Variants in SPAG16 observed in about 807,000 individuals in gnomAD.
SPAG16 encodes the protein sperm-associated antigen 16 protein.
In SPAG16, 86 loss-of-function variants were observed where a neutral mutation model predicts 80.4. The observed-to-expected ratio is 1.07, with a 90% CI of 0.90 to 1.28. The LOEUF is 1.28. Among genes scored for constraint, SPAG16 ranks in the 50% most tolerant of loss-of-function variants. The pLI, the probability that SPAG16 is intolerant of heterozygous loss-of-function variation, is 0.00. For missense variants in SPAG16, 870 were observed against 765.3 expected, an observed-to-expected ratio of 1.14 and a Z score of -1.61; for synonymous variants, 294 against 265.9, an observed-to-expected ratio of 1.11 and a Z score of -1.03.
chr2:214,035,412 G>A (rs1415060301), intron 13 of SPAG16, among the ~76,000 whole-genome samples: 1 of 152,208 alleles, frequency 6.6e-6, no homozygotes, highest in Admixed American at 6.5e-5. Flanking sequence ...TTCATGCCAA[G>A]GGAAACCTGT....
chr2:213,293,813 A>G (rs1258992101), intron 1 of SPAG16, among the ~76,000 whole-genome samples: 1 of 152,250 alleles, frequency 6.6e-6, no homozygotes, highest in African/African-American at 2.4e-5. Context: ...ACAACATTAC[A>G]TATATTCTAG....
At chr2:214,188,712 A>G (rs902119772) in intron 15 of SPAG16, among the ~76,000 whole-genome samples, 1 of 152,094 alleles carries the variant, frequency 6.6e-6, no homozygotes, top group South Asian at 2.1e-4. Flanking sequence ...CTGAATACTA[A>G]TTTTAGGAAT....
intron 6 of SPAG16, among the ~76,000 whole-genome samples, chr2:213,341,417 A>G (rs1366074700): frequency 1.3e-5 from 2 of 152,198 alleles, no homozygotes; most frequent in Non-Finnish European, 2.9e-5. Context: ...TTACCCAAAT[A>G]CATTAATAGT....
intron 10 of SPAG16, among the ~76,000 whole-genome samples, chr2:213,676,050 C>A (rs1458046462): frequency 6.6e-6 from 1 of 152,126 alleles, no homozygotes; most frequent in African/African-American, 2.4e-5. Flanking sequence ...TTTGTATCCT[C>A]TTTTATTTCA....
intron 10 of SPAG16, among the ~76,000 whole-genome samples, chr2:213,505,890 C>T (rs376730397): frequency 6.6e-6 from 1 of 151,678 alleles, no homozygotes; most frequent in African/African-American, 2.4e-5. Flanking sequence ...GCCATTCCAT[C>T]CTTGTTTATA....
At chr2:213,291,704 C>G (rs903264917) in intron 1 of SPAG16, among the ~76,000 whole-genome samples, 2 of 152,128 alleles carry the variant, frequency 1.3e-5, no homozygotes, top group Admixed American at 6.5e-5. Context: ...TTGTGTATTC[C>G]TATTGTGTCA....
At position 214,333,860 on chromosome 2, in the gene SPAG16, T is replaced by G. The variant is rs142772704; in HGVS notation, c.1721-76280T>G. Among the ~76,000 whole-genome samples, 1,006 of 152,332 alleles carry G rather than the reference T, an allele frequency of 6.6e-3. 10 individuals carry two copies. The highest frequency in any genetic ancestry group is 0.023 in the African/African-American group (965 of 41,562). ...ACTGAGTCAAAGCACTTATAAATTC[T>G]AAATCTCCAGATTTCACCATGTACT... is the stretch of plus-strand genomic sequence containing the variant. On this transcript the variant is annotated intron_variant, in intron 15 of 15. Coordinates refer to ENST00000331683, the MANE Select transcript of SPAG16 (RefSeq NM_024532.5).
chr2:213,382,132 T>C (rs2067205222), intron 9 of SPAG16, among the ~76,000 whole-genome samples: 1 of 152,186 alleles, frequency 6.6e-6, no homozygotes, highest in African/African-American at 2.4e-5. Flanking sequence ...ACATGTGACA[T>C]TGAAACAAGA....
At position 214,410,200 on chromosome 2, in the gene SPAG16, G is replaced by A. The variant is rs747422881; in HGVS notation, c.1781G>A (p.Gly594Glu). 6.2e-7 allele frequency: 1 copy of A among 1,613,520 alleles called. No homozygotes were observed. The highest frequency in any genetic ancestry group is 8.5e-7 in the Non-Finnish European group (1 of 1,179,626). ...ATCCATTTGCTAGATCTTAAATCTG[G>A]GGAGATTCACAAATTGATGGGCCAC... is the stretch of plus-strand genomic sequence containing the variant. The part of the protein sequence containing the change: ...GVIHLLDLKS[G>E]EIHKLMGHEN... The change falls in exon 16 of 16, where the codon GGG becomes GAG. Residue 594 changes from glycine (G) to glutamate (E), a missense_variant. Coordinates refer to ENST00000331683, the MANE Select transcript of SPAG16 (RefSeq NM_024532.5).
intron 12 of SPAG16, among the ~76,000 whole-genome samples, chr2:213,974,293 A>G (rs764972739): frequency 2.6e-5 from 4 of 152,116 alleles, no homozygotes; most frequent in Non-Finnish European, 5.9e-5. Flanking sequence ...GGTAGAATGC[A>G]TTGAGCCTAC....
intron 15 of SPAG16, among the ~76,000 whole-genome samples, chr2:214,290,115 G>T (rs1250451219): frequency 6.6e-6 from 1 of 151,302 alleles, no homozygotes; most frequent in Admixed American, 6.6e-5. Flanking sequence ...GTATGTTCAG[G>T]TTTTTTTTTA....
intron 10 of SPAG16, among the ~76,000 whole-genome samples, chr2:213,510,954 G>A (rs2075201349): frequency 6.6e-6 from 1 of 151,902 alleles, no homozygotes; most frequent in Non-Finnish European, 1.5e-5. Context: ...TGCCATATAA[G>A]TAATTCTGGT....
chr2:213,431,478 T>A lies in SPAG16; in HGVS notation c.942+56359T>A, dbSNP rs921098632. On this transcript the variant is annotated intron_variant, in intron 9 of 15. Transcript: ENST00000331683. ...AGCTATACTTATATCAGATAACACA[T>A]ACATTAAATCAGAAACTGTAAAAAA... Among the ~76,000 whole-genome samples the A allele has an allele frequency of 2.0e-5, 3 of 150,692 alleles. 1 individual carries two copies. The South Asian group carries it at 6.2e-4, about 31-fold the overall frequency.
At chr2:214,229,508 G>A (rs947856068) in intron 15 of SPAG16, among the ~76,000 whole-genome samples, 13 of 151,680 alleles carry the variant, frequency 8.6e-5, no homozygotes, top group Non-Finnish European at 1.5e-4. Flanking sequence ...ATGTGTATGT[G>A]TGTATATATA....
chr2:213,834,319 G>A (rs149629862), intron 10 of SPAG16, among the ~76,000 whole-genome samples: 3 of 152,192 alleles, frequency 2.0e-5, no homozygotes, highest in East Asian at 3.9e-4. Flanking sequence ...ACATGACATG[G>A]GAGCCTTCAG....
At chr2:214,267,033 T>A (rs1691623554) in intron 15 of SPAG16, among the ~76,000 whole-genome samples, 2 of 151,628 alleles carry the variant, frequency 1.3e-5, no homozygotes, top group Admixed American at 6.6e-5. Context: ...ATAGATTCAA[T>A]GTAATAACTA....
intron 10 of SPAG16, among the ~76,000 whole-genome samples, chr2:213,809,689 T>C (rs751920056): frequency 6.6e-6 from 1 of 152,012 alleles, no homozygotes; most frequent in Non-Finnish European, 1.5e-5. Context: ...AAAGAGAAGC[T>C]AAGAAAAAGT....
At chr2:214,047,775 C>T (rs758345365) in intron 13 of SPAG16, among the ~76,000 whole-genome samples, 2 of 152,050 alleles carry the variant, frequency 1.3e-5, no homozygotes, top group African/African-American at 4.8e-5. Flanking sequence ...GGAGAAAATA[C>T]TTGCAAACTA....
chr2:214,298,161 C>T (rs35351598), intron 15 of SPAG16, among the ~76,000 whole-genome samples: 18 of 17,126 alleles, frequency 1.1e-3, no homozygotes, highest in Non-Finnish European at 3.7e-3. Flanking sequence ...CACACATATA[C>T]ACACACACAC....
Sources: allele counts gnomAD v4.1 joint callset (sites outside exome capture counted in the v4.1 genomes callset), GRCh38; gene constraint gnomAD v4.1.1; transcripts MANE v1.5; gene names NCBI Gene and HGNC (gene_info 2026-07-23, HGNC 2026-07-21).